The following KCNT2 variants were observed in gnomAD, a reference collection of about 807,000 sequenced individuals.
KCNT2 encodes potassium channel subfamily T member 2.
A neutral mutation model predicts 153.8 loss-of-function variants in KCNT2; 67 were observed. That is an observed-to-expected ratio of 0.44 (90% confidence interval 0.36 to 0.53). The LOEUF (loss-of-function observed/expected upper bound fraction) is 0.53. KCNT2 is among the 20% of genes least tolerant of loss of function. The pLI is 0.00. For missense variants in KCNT2, 975 were observed against 1,354.8 expected (o/e 0.72, Z 4.40); for synonymous variants, 500 against 458.8 (o/e 1.09, Z -1.15).
intron 26 of KCNT2, among the ~76,000 whole-genome samples, chr1:196,236,434 G>T (rs12070934): frequency 0.015 from 2,313 of 151,518 alleles, 22 homozygotes; most frequent in Middle Eastern, 0.037. Context: ...CATGGTTATA[G>T]ATAACAATCC....
chr1:196,562,329 G>A (rs534801753), intron 1 of KCNT2, among the ~76,000 whole-genome samples: 8 of 152,050 alleles, frequency 5.3e-5, no homozygotes, highest in East Asian at 3.9e-4. Context: ...CTGTTTTAAT[G>A]TTAATGTTGG....
At chr1:196,376,999 T>C (rs932300731) in intron 13 of KCNT2, among the ~76,000 whole-genome samples, 1 of 151,888 alleles carries the variant, frequency 6.6e-6, no homozygotes, top group Non-Finnish European at 1.5e-5. Context: ...AGGTCTTGTA[T>C]GGTCAAAAGA....
At chr1:196,257,762 T>G in intron 26 of KCNT2, 1 of 983,426 alleles carries the variant, frequency 1.0e-6, no homozygotes, top group East Asian at 1.1e-4. Flanking sequence ...CCACATACAC[T>G]AAACAAATTT....
chr1:196,318,324 T>C (rs1346402536), intron 20 of KCNT2, among the ~76,000 whole-genome samples: 1 of 151,750 alleles, frequency 6.6e-6, no homozygotes, highest in African/African-American at 2.4e-5. Context: ...AGAGGAGAAT[T>C]GTTAGATGAA....
At position 196,606,046 on chromosome 1, in the gene KCNT2, C is replaced by T. The variant is rs536012199; in HGVS notation, c.95+2169G>A. Among the ~76,000 whole-genome samples, 3 of 152,266 alleles carry T rather than the reference C, an allele frequency of 2.0e-5. No individual in the cohort carries two copies. The Middle Eastern group carries it at 0.01, about 518-fold the overall frequency. ...AGTTTCCTTGTGCCTAACATAATTG[C>T]CTGCTATTCAGAGTTTGTCTGAGGA... is the stretch of plus-strand genomic sequence containing the variant. On this transcript the variant is annotated intron_variant, in intron 1 of 27. Coordinates refer to ENST00000294725, the MANE Select transcript of KCNT2 (RefSeq NM_198503.5).
At chr1:196,419,396 A>G (rs931090744) in intron 12 of KCNT2, among the ~76,000 whole-genome samples, 3 of 129,564 alleles carry the variant, frequency 2.3e-5, no homozygotes, top group Non-Finnish European at 4.7e-5. Context: ...ATGTGTTCTC[A>G]TTGCTCAATT....
intron 22 of KCNT2, among the ~76,000 whole-genome samples, chr1:196,286,848 T>A (rs1201672050): frequency 1.3e-5 from 2 of 152,106 alleles, no homozygotes; most frequent in Non-Finnish European, 1.5e-5. Flanking sequence ...ATTTAACAAA[T>A]GGTAACCTCA....
chr1:196,547,952 G>C (rs146585215), intron 1 of KCNT2, among the ~76,000 whole-genome samples: 4 of 151,618 alleles, frequency 2.6e-5, no homozygotes, highest in Non-Finnish European at 5.9e-5. Flanking sequence ...ATTCTGATCT[G>C]GTACGTCTAT....
intron 26 of KCNT2, among the ~76,000 whole-genome samples, chr1:196,252,882 T>G (rs915497144): frequency 2.6e-5 from 4 of 151,382 alleles, no homozygotes; most frequent in Non-Finnish European, 4.4e-5. Context: ...GCCTTTCTAT[T>G]TTTTTGTTTT....
rs1654276168 is a variant in KCNT2, at chr1:196,234,758, G to A, written c.3296+1228C>T. ...CATATTATGCTCAGCATAACAAAAT[G>A]TTCTCAGTCCTGCTAGTCTCTGACT... On this transcript the variant is annotated intron_variant, in intron 27 of 27. Transcript: ENST00000294725. 2.6e-5 allele frequency among the ~76,000 whole-genome samples: 4 copies of A among 151,496 alleles called. 1 individual carries two copies. In the South Asian group the frequency reaches 8.3e-4, roughly 31 times the overall value.
chr1:196,236,785 T>G (rs923424253), intron 26 of KCNT2, among the ~76,000 whole-genome samples: 1 of 151,618 alleles, frequency 6.6e-6, no homozygotes, highest in Non-Finnish European at 1.5e-5. Context: ...GTTGAAATGT[T>G]GACCCTGCAT....
intron 1 of KCNT2, among the ~76,000 whole-genome samples, chr1:196,554,661 C>A (rs921740640): frequency 1.3e-5 from 2 of 150,818 alleles, no homozygotes; most frequent in Non-Finnish European, 3.0e-5. Flanking sequence ...GCCCTGTTAC[C>A]AAAACTGGAC....
chr1:196,524,211 T>C (rs930585513), intron 1 of KCNT2, among the ~76,000 whole-genome samples: 2 of 152,188 alleles, frequency 1.3e-5, no homozygotes, highest in African/African-American at 4.8e-5. Context: ...GGAGTCTGTG[T>C]TTCCTGGGCA....
At chr1:196,442,333 A>G (rs927494628) in intron 8 of KCNT2, among the ~76,000 whole-genome samples, 1 of 151,994 alleles carries the variant, frequency 6.6e-6, no homozygotes, top group Middle Eastern at 3.4e-3. Context: ...AAAATGTGAA[A>G]AAGTTTTGTT....
chr1:196,312,746 G>C (rs956364585), intron 21 of KCNT2, among the ~76,000 whole-genome samples: 4 of 151,754 alleles, frequency 2.6e-5, no homozygotes, highest in African/African-American at 9.7e-5. Context: ...TGTTCTTTAA[G>C]ATACAAGGAT....
Position 196,226,850 on chromosome 1 carries a change from T to TA in KCNT2, c.*1373dup, listed in dbSNP as rs1310695908. ...TAAACTCAATGTCAAATTCAAAAAT[T>TA]AAAAAATACAAAATTAGAACAGTAT... On this transcript the variant is annotated 3_prime_UTR_variant, in exon 28 of 28. Transcript: ENST00000294725. 1 of 151,970 alleles carries TA rather than the reference T, an allele frequency of 6.6e-6. No individual in the cohort carries two copies. The highest frequency in any genetic ancestry group is 1.5e-5 in the Non-Finnish European group (1 of 67,846). The allele number at this position is 151,970 out of a possible 1,614,324, so 9.4% of individuals were successfully genotyped here. A position where few individuals can be genotyped will look rare whatever the true frequency, so the allele number is the denominator to read the frequency against.
intron 13 of KCNT2, among the ~76,000 whole-genome samples, chr1:196,373,879 G>T (rs1227368150): frequency 6.6e-6 from 1 of 151,618 alleles, no homozygotes; most frequent in Non-Finnish European, 1.5e-5. Flanking sequence ...AAGATGATAG[G>T]GTCCAACCAG....
intron 1 of KCNT2, among the ~76,000 whole-genome samples, chr1:196,560,270 G>T (rs2148920182): frequency 6.6e-6 from 1 of 151,956 alleles, no homozygotes; most frequent in South Asian, 2.1e-4. Flanking sequence ...TAGGTAAAGG[G>T]AACGGTGAAG....
At chr1:196,475,588 A>G (rs1386272204) in intron 5 of KCNT2, among the ~76,000 whole-genome samples, 2 of 152,092 alleles carry the variant, frequency 1.3e-5, no homozygotes, top group African/African-American at 2.4e-5. Flanking sequence ...AGCCTGAGCA[A>G]CAGAGTGAGA....
Sources: gnomAD v4.1 joint callset for allele counts (sites outside exome capture counted in the v4.1 genomes callset) on GRCh38, gnomAD v4.1.1 for gene constraint, MANE v1.5 for transcripts, NCBI Gene and HGNC (gene_info 2026-07-23, HGNC 2026-07-21) for gene names.